Variants in YIPF7 observed in about 807,000 individuals in gnomAD.
YIPF7 encodes the protein protein YIPF7.
In YIPF7, 35 loss-of-function variants were observed where a neutral mutation model predicts 27.2. The ratio of observed to expected loss-of-function variants is 1.29; its 90% CI spans 0.98 to 1.70. The LOEUF (loss-of-function observed/expected upper bound fraction) is 1.70. YIPF7 is among the 40% of genes most tolerant of loss of function. The probability of loss-of-function intolerance (pLI) is 0.00; values close to 1 mark genes in which losing one functional copy is unlikely to be tolerated. For missense variants in YIPF7, 358 were observed against 303.7 expected, an observed-to-expected ratio of 1.18 and a Z score of -1.33; for synonymous variants, 137 against 110.4, an observed-to-expected ratio of 1.24 and a Z score of -1.51.
chr4:44,640,348 C>A (rs1045467787), intron 2 of YIPF7, among the ~76,000 whole-genome samples: 2 of 152,196 alleles, frequency 1.3e-5, no homozygotes, highest in African/African-American at 4.8e-5. Context: ...CTCTTTATTG[C>A]TGATTCAATT....
In YIPF7 at chr4:44,622,545, T is replaced by C. The variant is rs746933998; in HGVS notation, c.640A>G (p.Ile214Val). ...GCTGAGAGACTACACCAGCCAATGATGACCAGGGATGACATGATTCCAAAG... is the reference window on the plus strand; with the variant it reads ...GCTGAGAGACTACACCAGCCAATGACGACCAGGGATGACATGATTCCAAAG... Reference protein sequence around the residue: ...GIFGIMSSLVIIGWCSLSASK... With the variant: ...GIFGIMSSLVVIGWCSLSASK... The change falls in exon 6 of 6, where the codon ATC (isoleucine) becomes GTC (valine). Residue 214 changes from isoleucine to valine, a missense_variant. Ile to Val is a conservative substitution (Grantham distance 29, BLOSUM62 3). Transcript: ENST00000415895. 6.2e-7 allele frequency: 1 copy of C among 1,613,834 alleles called. No individual in the cohort carries two copies. Among genetic ancestry groups the C allele is most frequent in the South Asian group, 1.1e-5 (1 of 91,060 alleles).
At chr4:44,660,128 A>AAAAAAAAAAAAAAAAAAAAAC in intron 2 of YIPF7, among the ~76,000 whole-genome samples, 1 of 146,954 alleles carries the variant, frequency 6.8e-6, no homozygotes, top group Non-Finnish European at 1.5e-5. Flanking sequence ...AAAAAAAAAA[A>AAAAAAAAAAAAAAAAAAAAAC]AAAAAAAACG....
intron 1 of YIPF7, 77 bp downstream of exon 1, chr4:44,651,477 T>C (rs2109602491): frequency 1.2e-6 from 1 of 864,948 alleles, no homozygotes; most frequent in East Asian, 2.9e-5. Flanking sequence ...ACATGACTAT[T>C]GGTACTACAG....
chr4:44,652,219 G>T (rs1235117049), upstream of YIPF7, among the ~76,000 whole-genome samples: 1 of 152,078 alleles, frequency 6.6e-6, no homozygotes, highest in East Asian at 1.9e-4. Flanking sequence ...GAAGGTGTTA[G>T]GCCCATCCCC....
At chr4:44,630,859 T>C (rs568678952) in intron 3 of YIPF7, among the ~76,000 whole-genome samples, 1 of 152,202 alleles carries the variant, frequency 6.6e-6, no homozygotes, top group East Asian at 1.9e-4. Context: ...GTATCTAGGG[T>C]AGAGAAAGCG....
chr4:44,649,951 CAAAA>C (rs35447406), intron 2 of YIPF7, 30 bp downstream of exon 2: 1 of 931,258 alleles, frequency 1.1e-6, no homozygotes, highest in East Asian at 3.1e-5. Flanking sequence ...GAGACTCTGT[CAAAA>C]AAAAAAAAAG....
intron 2 of YIPF7, among the ~76,000 whole-genome samples, chr4:44,657,231 G>T (rs895742951): frequency 1.3e-5 from 2 of 151,994 alleles, no homozygotes; most frequent in Non-Finnish European, 2.9e-5. Context: ...ACCTTCTTTC[G>T]ACAGGAGAAG....
At chr4:44,637,355 C>T (rs1228895399) in intron 2 of YIPF7, among the ~76,000 whole-genome samples, 1 of 152,130 alleles carries the variant, frequency 6.6e-6, no homozygotes, top group Non-Finnish European at 1.5e-5. Context: ...AATTTACATT[C>T]CCACCAACAG....
At chr4:44,637,086 C>A (rs1344809083) in intron 2 of YIPF7, among the ~76,000 whole-genome samples, 2 of 152,108 alleles carry the variant, frequency 1.3e-5, no homozygotes, top group East Asian at 1.9e-4. Flanking sequence ...TGATTTTATT[C>A]TTTTCATGGC....
intron 3 of YIPF7, among the ~76,000 whole-genome samples, chr4:44,630,533 T>C (rs567690396): frequency 2.0e-5 from 3 of 152,360 alleles, no homozygotes; most frequent in Admixed American, 6.5e-5. Context: ...GTTGAGTCTA[T>C]GCATTCAAAG....
At chr4:44,660,239 A>G (rs1034404692) in intron 2 of YIPF7, among the ~76,000 whole-genome samples, 1 of 152,034 alleles carries the variant, frequency 6.6e-6, no homozygotes, top group Non-Finnish European at 1.5e-5. Context: ...CAGATTAAAG[A>G]TAGCTACACA....
At chr4:44,650,399 T>A (rs1169952702) in intron 1 of YIPF7, among the ~76,000 whole-genome samples, 1 of 152,176 alleles carries the variant, frequency 6.6e-6, no homozygotes, top group East Asian at 1.9e-4. Flanking sequence ...AATATCTTAT[T>A]CTTAGTAATT....
intron 2 of YIPF7, among the ~76,000 whole-genome samples, chr4:44,649,546 G>A (rs1029847460): frequency 6.6e-6 from 1 of 151,912 alleles, no homozygotes; most frequent in African/African-American, 2.4e-5. Flanking sequence ...CCAGCGGGGC[G>A]GATCACTTGA....
intron 3 of YIPF7, among the ~76,000 whole-genome samples, chr4:44,633,098 T>A (rs1194641530): frequency 6.6e-6 from 1 of 152,172 alleles, no homozygotes; most frequent in African/African-American, 2.4e-5. Context: ...TGCACGCTTG[T>A]TATGAGAATC....
At chr4:44,655,764 C>T (rs1242831420), upstream of YIPF7, among the ~76,000 whole-genome samples, 2 of 151,824 alleles carry the variant, frequency 1.3e-5, no homozygotes, top group East Asian at 3.9e-4. Flanking sequence ...TTTGTTAGTA[C>T]CACATAAGAT....
In YIPF7 at chr4:44,660,113, C is replaced by CAAAAAAAAAAAAAAAAAAA. The variant is rs11461675; in HGVS notation, c.-2+317_-2+335dup. ...TGGGTGACAGAGCAAGACTCTGTCT[C>CAAAAAAAAAAAAAAAAAAA]AAAAAAAAAAAAAAAAAAAAAAACG... is the stretch of plus-strand genomic sequence containing the variant. On this transcript the variant is annotated intron_variant, in intron 2 of 2. Coordinates refer to the YIPF7 transcript ENST00000508947. Among the ~76,000 whole-genome samples, 116 of 25,516 alleles carry CAAAAAAAAAAAAAAAAAAA rather than the reference C, an allele frequency of 4.5e-3. 18 individuals are homozygous for CAAAAAAAAAAAAAAAAAAA. The highest frequency in any genetic ancestry group is 7.8e-3 in the South Asian group (3 of 384). The allele number at this position is 25,516 out of a possible 152,430, so 16.7% of individuals were successfully genotyped here.
chr4:44,629,627 A>G, intron 3 of YIPF7, 79 bp from the exon 4 acceptor site: 1 of 1,048,348 alleles, frequency 9.5e-7, no homozygotes, highest in Non-Finnish European at 1.3e-6. Context: ...TTTAAAGGTT[A>G]ACATATCTGA....
chr4:44,638,193 G>T (rs1235016774), intron 2 of YIPF7, among the ~76,000 whole-genome samples: 1 of 142,638 alleles, frequency 7.0e-6, no homozygotes, highest in Non-Finnish European at 1.5e-5. Context: ...GGGTTTTTTG[G>T]CTGTTGAGTT....
At chr4:44,658,877 A>G (rs1163315371) in intron 2 of YIPF7, among the ~76,000 whole-genome samples, 1 of 152,204 alleles carries the variant, frequency 6.6e-6, no homozygotes, top group Non-Finnish European at 1.5e-5. Context: ...TGATTCGATT[A>G]TCTTCAATCA....
Sources: gnomAD v4.1 joint callset for allele counts (sites outside exome capture counted in the v4.1 genomes callset) on GRCh38, gnomAD v4.1.1 for gene constraint, MANE v1.5 for transcripts, NCBI Gene and HGNC (gene_info 2026-07-23, HGNC 2026-07-21) for gene names.